SPATA31H1: variants seen among roughly 807,000 people sequenced by gnomAD.
The protein encoded by SPATA31H1 is SPATA31 subfamily H member 1, also known as spermatogenesis-associated protein 31H1.
the SPATA31H1 span, chr2:27,570,934 C>G: frequency 2.5e-6 from 1 of 398,868 alleles, no homozygotes; most frequent in Non-Finnish European, 4.4e-6. Flanking sequence ...GTAAATCATT[C>G]TGAGTTGACC....
the SPATA31H1 span, chr2:27,578,397 G>A: frequency 9.3e-6 from 15 of 1,614,132 alleles, 1 homozygote; most frequent in Middle Eastern, 1.6e-4. Context: ...GTTAGCACCA[G>A]GACCAATTCC....
the SPATA31H1 span, chr2:27,579,825 T>C: frequency 3.1e-6 from 5 of 1,614,248 alleles, no homozygotes; most frequent in African/African-American, 1.3e-5. Flanking sequence ...ACAGTTCCAG[T>C]TGCTAGAAGA....
At chr2:27,552,704 T>C in the SPATA31H1 span, among the ~76,000 whole-genome samples, 1 of 152,032 alleles carries the variant, frequency 6.6e-6, no homozygotes, top group African/African-American at 2.4e-5. Flanking sequence ...ATATTAAATA[T>C]TCCAATCCAT....
the SPATA31H1 span, chr2:27,577,655 T>C: frequency 1.9e-6 from 3 of 1,614,126 alleles, no homozygotes; most frequent in Admixed American, 3.3e-5. This position sits in a 1 kb window ranked among gnomAD's most constrained non-coding sequence, Gnocchi z 4.5. Flanking sequence ...TTCCTGAATC[T>C]GTGGAGTTGA....
the SPATA31H1 span, chr2:27,575,879 G>A: frequency 2.3e-5 from 9 of 398,452 alleles, no homozygotes; most frequent in South Asian, 3.8e-4. This position sits in a 1 kb window ranked among gnomAD's most constrained non-coding sequence, Gnocchi z 4.1. Context: ...GTATGAAATC[G>A]CCTGAATTAA....
chr2:27,568,343 G>A, the SPATA31H1 span: 1 of 398,914 alleles, frequency 2.5e-6, no homozygotes, highest in East Asian at 3.6e-5. Context: ...TGGAATCTGC[G>A]GGCATGACCT....
chr2:27,547,740 A>G, the SPATA31H1 span, among the ~76,000 whole-genome samples: 2 of 151,784 alleles, frequency 1.3e-5, no homozygotes. Flanking sequence ...TTGAAGCTAT[A>G]GTAATACTTT....
the SPATA31H1 span, among the ~76,000 whole-genome samples, chr2:27,546,682 T>G: frequency 2.0e-5 from 3 of 151,786 alleles, no homozygotes; most frequent in Non-Finnish European, 2.9e-5. Context: ...AGTGACATGC[T>G]TCACCACACC....
chr2:27,541,265 A>C, the SPATA31H1 span, among the ~76,000 whole-genome samples: 87,860 of 151,366 alleles, frequency 0.58, 26,428 homozygotes, highest in East Asian at 0.85. Context: ...CGTGGCGGCG[A>C]GCGCCTGCAA....
At chr2:27,565,044 TA>T in the SPATA31H1 span, among the ~76,000 whole-genome samples, 1 of 152,174 alleles carries the variant, frequency 6.6e-6, no homozygotes, top group Non-Finnish European at 1.5e-5. Flanking sequence ...TTGCCTGAAA[TA>T]CTCTTTCTTC....
At chr2:27,542,839 G>T in the SPATA31H1 span, among the ~76,000 whole-genome samples, 1 of 152,012 alleles carries the variant, frequency 6.6e-6, no homozygotes, top group Non-Finnish European at 1.5e-5. Context: ...GCTCATGCCT[G>T]TAATCCCAGA....
the SPATA31H1 span, chr2:27,581,086 C>T: frequency 8.1e-6 from 13 of 1,614,194 alleles, no homozygotes; most frequent in African/African-American, 8.0e-5. Context: ...AACTTGTCCA[C>T]ACCAGGAACC....
the SPATA31H1 span, among the ~76,000 whole-genome samples, chr2:27,541,144 C>A: frequency 1.3e-5 from 2 of 150,094 alleles, no homozygotes; most frequent in Non-Finnish European, 3.0e-5. Flanking sequence ...CCCGGCACCT[C>A]GGGAGGCCGA....
chr2:27,581,607 C>G, the SPATA31H1 span: 4 of 1,592,528 alleles, frequency 2.5e-6, no homozygotes, highest in Non-Finnish European at 3.4e-6. Context: ...GAGGAGCCAT[C>G]GCGGTCCCTC....
the SPATA31H1 span, among the ~76,000 whole-genome samples, chr2:27,548,050 C>T: frequency 4.3e-5 from 6 of 140,150 alleles, no homozygotes; most frequent in Non-Finnish European, 7.5e-5. Flanking sequence ...GGCACAGTCT[C>T]GGCTCACTGC....
the SPATA31H1 span, chr2:27,578,590 A>G: frequency 3.7e-6 from 6 of 1,613,876 alleles, no homozygotes; most frequent in African/African-American, 2.7e-5. Flanking sequence ...TTTGAGGAAC[A>G]TACAATATTG....
At chr2:27,575,683 G>A in the SPATA31H1 span, 1 of 398,502 alleles carries the variant, frequency 2.5e-6, no homozygotes, top group African/African-American at 2.1e-5. This position sits in a 1 kb window ranked among gnomAD's most constrained non-coding sequence, Gnocchi z 4.1. Flanking sequence ...TCTACTGGGA[G>A]CAACTGTGGG....
chr2:27,550,674 A>G, the SPATA31H1 span, among the ~76,000 whole-genome samples: 1 of 151,666 alleles, frequency 6.6e-6, no homozygotes. Flanking sequence ...CTGCCTTGAC[A>G]TCCCAAAGTG....
At chr2:27,576,654 A>C in the SPATA31H1 span, 1 of 1,613,536 alleles carries the variant, frequency 6.2e-7, no homozygotes, top group Non-Finnish European at 8.5e-7. Flanking sequence ...GAAATCAATG[A>C]TGTTGGTACC....
Sources: gnomAD v4.1 joint callset for allele counts (sites outside exome capture counted in the v4.1 genomes callset) on GRCh38, gnomAD v4.1.1 for gene constraint, Gnocchi (gnomAD v3.1) non-coding constraint, MANE v1.5 for transcripts, NCBI Gene and HGNC (gene_info 2026-07-23, HGNC 2026-07-21) for gene names.